Variants in SH2D4B observed in about 807,000 individuals in gnomAD.
SH2D4B encodes SH2 domain-containing protein 4B.
In SH2D4B, 45 loss-of-function variants were observed where a neutral mutation model predicts 61.5. That is an observed-to-expected ratio of 0.73 (90% CI 0.58 to 0.94). The LOEUF (loss-of-function observed/expected upper bound fraction) is 0.94, where lower values mean the gene tolerates loss of function less well. Ranked by LOEUF, SH2D4B falls within the 40% of genes least tolerant of loss-of-function variation. The pLI is 0.00. For synonymous variants in SH2D4B, 224 were observed against 220.4 expected (o/e 1.02, Z -0.14); for missense variants, 572 against 574.2 (o/e 1.00, Z 0.04).
intron 3 of SH2D4B, among the ~76,000 whole-genome samples, chr10:80,580,097 TG>T (rs1344615448): frequency 2.0e-5 from 3 of 152,214 alleles, no homozygotes; most frequent in Admixed American, 6.5e-5. Flanking sequence ...GTGGTGTTAT[TG>T]GGGCCAGACT....
intron 3 of SH2D4B, among the ~76,000 whole-genome samples, chr10:80,587,130 GTTTTTTTTTTTTTTTGTTTTGTTTTTTTT>G (rs1210034060): frequency 3.0e-5 from 2 of 67,250 alleles, no homozygotes; most frequent in African/African-American, 9.1e-5. Context: ...TTCCGGCCAC[GTTTTTTTTTTTTTTTGTTTTGTTTTTTTT>G]TTTTTTTTTG....
rs1564762547 is a variant in SH2D4B at position 80,539,531 on chromosome 10, C to T, written c.184+1016C>T. 3.3e-5 allele frequency among the ~76,000 whole-genome samples: 5 copies of T among 152,212 alleles called. No homozygotes were observed. The highest frequency in any genetic ancestry group is 2.6e-4 in the Admixed American group (4 of 15,286). ...TGGTCTTCACATGAGTGGCTCTCAC[C>T]GTTGGGAATGTCCTTCTGCCTTCAT... On this transcript the variant is annotated intron_variant, in intron 1 of 7. Coordinates refer to ENST00000646907, the MANE Select transcript of SH2D4B (RefSeq NM_001388272.1). The surrounding 1 kb of genome is among the most constrained non-coding windows in gnomAD (Gnocchi z 4.9).
intron 6 of SH2D4B, among the ~76,000 whole-genome samples, chr10:80,610,720 T>C (rs1271756323): frequency 6.6e-6 from 1 of 152,190 alleles, no homozygotes; most frequent in Non-Finnish European, 1.5e-5. Flanking sequence ...ATCCGTGTCA[T>C]GTTGGTCAGA....
At chr10:80,638,824 G>C (rs1407027671) in intron 7 of SH2D4B, among the ~76,000 whole-genome samples, 1 of 152,072 alleles carries the variant, frequency 6.6e-6, no homozygotes, top group Non-Finnish European at 1.5e-5. Context: ...CTTGCCTTCT[G>C]CTAGCTTTTG....
intron 1 of SH2D4B, among the ~76,000 whole-genome samples, chr10:80,563,797 A>G (rs1054116881): frequency 2.6e-5 from 4 of 152,208 alleles, no homozygotes; most frequent in African/African-American, 9.6e-5. Context: ...AGGATGCATT[A>G]TATGTGCTGA....
At chr10:80,560,276 C>T (rs1030297303) in intron 1 of SH2D4B, among the ~76,000 whole-genome samples, 5 of 152,096 alleles carry the variant, frequency 3.3e-5, no homozygotes, top group Non-Finnish European at 5.9e-5. Flanking sequence ...CGTGAGCCAC[C>T]GTGCCCGGCT....
chr10:80,621,874 C>T (rs1472399145), intron 6 of SH2D4B, among the ~76,000 whole-genome samples: 1 of 152,094 alleles, frequency 6.6e-6, no homozygotes, highest in Non-Finnish European at 1.5e-5. Flanking sequence ...AGGTGTGCAC[C>T]ACCACGCCTG....
In SH2D4B at chr10:80,644,970, CAAG is replaced by C. The variant is rs761225275; in HGVS notation, c.*890_*892del. 6 of 152,172 alleles carry C rather than the reference CAAG, an allele frequency of 3.9e-5. No individual in the cohort carries two copies. Among genetic ancestry groups the C allele is most frequent in the Non-Finnish European group, 7.4e-5 (5 of 68,026 alleles). The allele number at this position is 152,172 out of a possible 1,614,324, so 9.4% of individuals were successfully genotyped here. ...AATCTCAGTATGTTGCTTATATTAA[CAAG>C]AAGACTCACGCAATAACTCCTCGAT... is the stretch of plus-strand genomic sequence containing the variant. On this transcript the variant is annotated 3_prime_UTR_variant, in exon 8 of 8. Coordinates refer to ENST00000646907, the MANE Select transcript of SH2D4B (RefSeq NM_001388272.1).
At chr10:80,571,068 T>A (rs1349202506) in intron 2 of SH2D4B, among the ~76,000 whole-genome samples, 1 of 152,052 alleles carries the variant, frequency 6.6e-6, no homozygotes, top group African/African-American at 2.4e-5. Context: ...AGAGACGGTG[T>A]CACACTATGT....
chr10:80,568,931 C>G (rs1446513009), intron 1 of SH2D4B, among the ~76,000 whole-genome samples: 2 of 152,192 alleles, frequency 1.3e-5, no homozygotes, highest in Non-Finnish European at 2.9e-5. Context: ...CAGTGTCTAG[C>G]TTTTTAACTG....
intron 1 of SH2D4B, among the ~76,000 whole-genome samples, chr10:80,554,841 C>G (rs1331953909): frequency 6.6e-6 from 1 of 151,868 alleles, no homozygotes; most frequent in Non-Finnish European, 1.5e-5. Context: ...AACCCCGTCT[C>G]TACTAAAAAT....
Position 80,634,392 on chromosome 10 carries a change from CT to C in SH2D4B, c.1097del (p.Leu366ArgfsTer143), listed in dbSNP as rs1217218613. On this transcript the variant is annotated frameshift_variant, in exon 7 of 8. Transcript: ENST00000646907. LOFTEE classifies it high-confidence loss of function. Reference protein sequence around the residue: ...KIWGYTLSYRLQKGFKHFLVD... With the variant: ...KIWGYTLSYRXQKGFKHFLVD... ...CTGGGGTTACACCCTCTCCTACCGC[CT>C]GCAGAAAGGGTTCAAACACTTTCTT... 6 of 1,550,506 alleles carry C rather than the reference CT, an allele frequency of 3.9e-6. No homozygotes were observed. The Admixed American group carries it at 7.8e-5, about 20-fold the overall frequency.
intron 6 of SH2D4B, among the ~76,000 whole-genome samples, chr10:80,612,521 G>A (rs954097971): frequency 1.4e-4 from 21 of 152,282 alleles, no homozygotes; most frequent in Non-Finnish European, 2.8e-4. Flanking sequence ...GCAACTGGAA[G>A]CATGCCAGGC....
chr10:80,565,546 C>A (rs1042000205), intron 1 of SH2D4B, among the ~76,000 whole-genome samples: 3 of 152,068 alleles, frequency 2.0e-5, no homozygotes, highest in Admixed American at 6.5e-5. Context: ...GAGGCATGCA[C>A]CACCACACCC....
chr10:80,592,168 T>C (rs901302700), intron 4 of SH2D4B, among the ~76,000 whole-genome samples: 1 of 152,232 alleles, frequency 6.6e-6, no homozygotes, highest in African/African-American at 2.4e-5. Flanking sequence ...AAAAATGTGC[T>C]TTATGGCTGT....
intron 3 of SH2D4B, among the ~76,000 whole-genome samples, chr10:80,580,799 T>G (rs753508490): frequency 6.6e-6 from 1 of 152,160 alleles, no homozygotes; most frequent in Non-Finnish European, 1.5e-5. Flanking sequence ...TGATGGGTTA[T>G]GAGGAGAAGG....
At chr10:80,568,072 A>G (rs1841993431) in intron 1 of SH2D4B, among the ~76,000 whole-genome samples, 1 of 152,042 alleles carries the variant, frequency 6.6e-6, no homozygotes, top group East Asian at 1.9e-4. Flanking sequence ...TTTTCTAAAA[A>G]TAAGTGTGAG....
chr10:80,621,632 C>T (rs1347504826), intron 6 of SH2D4B, among the ~76,000 whole-genome samples: 1 of 152,202 alleles, frequency 6.6e-6, no homozygotes, highest in East Asian at 1.9e-4. Context: ...ATAGGGAGAG[C>T]TCACAGCCTT....
intron 7 of SH2D4B, among the ~76,000 whole-genome samples, chr10:80,643,480 T>C (rs1271837667): frequency 6.6e-6 from 1 of 152,192 alleles, no homozygotes; most frequent in African/African-American, 2.4e-5. Flanking sequence ...TTAAATTTTC[T>C]GTCTATCATG....
Sources: gnomAD v4.1 joint callset for allele counts (sites outside exome capture counted in the v4.1 genomes callset) on GRCh38, gnomAD v4.1.1 for gene constraint, Gnocchi (gnomAD v3.1) non-coding constraint, MANE v1.5 for transcripts, NCBI Gene and HGNC (gene_info 2026-07-23, HGNC 2026-07-21) for gene names.